The following ETFA variants were observed in gnomAD, a reference collection of about 807,000 sequenced individuals.
ETFA encodes electron transfer flavoprotein subunit alpha.
A neutral mutation model predicts 46.2 loss-of-function variants in ETFA; 22 were observed. The ratio of observed to expected loss-of-function variants is 0.48; its 90% CI spans 0.34 to 0.68. The LOEUF (loss-of-function observed/expected upper bound fraction) is 0.68. Ranked by LOEUF, ETFA falls within the 30% of genes least tolerant of loss-of-function variation. The pLI, the probability that ETFA is intolerant of heterozygous loss-of-function variation, is 0.01. For synonymous variants in ETFA, 131 were observed against 139.9 expected (o/e 0.94, Z 0.45); for missense variants, 345 against 401.1 (o/e 0.86, Z 1.19).
At chr15:76,250,093 A>C (rs2039282777) in intron 9 of ETFA, among the ~76,000 whole-genome samples, 1 of 152,222 alleles carries the variant, frequency 6.6e-6, no homozygotes, top group African/African-American at 2.4e-5. Flanking sequence ...TTAAATAAAC[A>C]ACCATTAATA....
chr15:76,251,043 A>T (rs531108567), intron 9 of ETFA, among the ~76,000 whole-genome samples: 130 of 152,152 alleles, frequency 8.5e-4, no homozygotes, highest in Non-Finnish European at 1.7e-3. Flanking sequence ...ATGGGAAGGA[A>T]AAGGAATACA....
chr15:76,284,012 A>G (rs2039680977), intron 7 of ETFA, among the ~76,000 whole-genome samples, 187 bp from the exon 8 acceptor site: 1 of 152,182 alleles, frequency 6.6e-6, no homozygotes, highest in Non-Finnish European at 1.5e-5. Context: ...CAACACTACT[A>G]TGATTACCTA....
chr15:76,236,131 A>G (rs774524237), intron 9 of ETFA, among the ~76,000 whole-genome samples: 17 of 152,200 alleles, frequency 1.1e-4, no homozygotes, highest in Admixed American at 2.0e-4. Flanking sequence ...ACGTGCCCAA[A>G]CCTGGAATTC....
At chr15:76,305,844 T>C (rs2141556788) in intron 1 of ETFA, among the ~76,000 whole-genome samples, 1 of 151,564 alleles carries the variant, frequency 6.6e-6, no homozygotes, top group East Asian at 2.0e-4. Flanking sequence ...GTCCTTCTCT[T>C]TTTCAACCTC....
chr15:76,277,418 T>C (rs2039603972), intron 8 of ETFA, among the ~76,000 whole-genome samples: 1 of 152,196 alleles, frequency 6.6e-6, no homozygotes, highest in African/African-American at 2.4e-5. Context: ...ATTTTCACCA[T>C]GTGGAAGAGC....
chr15:76,304,816 G>A (rs541379362), intron 1 of ETFA, among the ~76,000 whole-genome samples: 19 of 152,150 alleles, frequency 1.2e-4, no homozygotes, highest in South Asian at 1.0e-3. Context: ...AGGCCGAGGC[G>A]GGCAGATCAC....
intron 9 of ETFA, among the ~76,000 whole-genome samples, chr15:76,267,968 T>C (rs1008098372): frequency 6.6e-6 from 1 of 152,080 alleles, no homozygotes; most frequent in African/African-American, 2.4e-5. Flanking sequence ...CAGCATCTAG[T>C]GGACCCACCT....
intron 11 of ETFA, among the ~76,000 whole-genome samples, chr15:76,223,750 C>A (rs982364132): frequency 6.6e-6 from 1 of 152,170 alleles, no homozygotes; most frequent in Admixed American, 6.5e-5. Flanking sequence ...CACTGAGAAA[C>A]CTCCGTGTCC....
At chr15:76,279,829 C>T (rs2141523049) in intron 8 of ETFA, among the ~76,000 whole-genome samples, 1 of 151,880 alleles carries the variant, frequency 6.6e-6, no homozygotes, top group South Asian at 2.1e-4. Flanking sequence ...TTTTGGTCTT[C>T]TTTCTCCTTT....
intron 9 of ETFA, among the ~76,000 whole-genome samples, chr15:76,233,580 G>C (rs1015152187): frequency 6.6e-6 from 1 of 151,972 alleles, no homozygotes; most frequent in Admixed American, 6.6e-5. Context: ...CACCCACCTC[G>C]GCCTCCCAAA....
At chr15:76,246,394 T>A (rs2039243073) in intron 9 of ETFA, among the ~76,000 whole-genome samples, 1 of 152,154 alleles carries the variant, frequency 6.6e-6, no homozygotes, top group South Asian at 2.1e-4. Context: ...GGGAACTTTT[T>A]AAAATCTGAT....
At chr15:76,258,184 A>ATAAG (rs1555457181) in intron 9 of ETFA, among the ~76,000 whole-genome samples, 11 of 152,042 alleles carry the variant, frequency 7.2e-5, no homozygotes, top group African/African-American at 1.7e-4. Context: ...AAATAAATAA[A>ATAAG]TAAATAAAGA....
At chr15:76,301,959 C>T (rs1466292536) in intron 1 of ETFA, among the ~76,000 whole-genome samples, 3 of 152,162 alleles carry the variant, frequency 2.0e-5, no homozygotes, top group African/African-American at 4.8e-5. Context: ...AAGATGCTCA[C>T]TAGGAAATTG....
At chr15:76,288,920 C>CTTTTTTTTTTTTTTTTTTT (rs35295593) in intron 4 of ETFA, among the ~76,000 whole-genome samples, 1 of 110,118 alleles carries the variant, frequency 9.1e-6, no homozygotes, top group African/African-American at 3.4e-5. Flanking sequence ...TCTTCTTCTT[C>CTTTTTTTTTTTTTTTTTTT]TTTTTTTTTT....
chr15:76,233,471 A>T (rs569770520), intron 9 of ETFA, among the ~76,000 whole-genome samples: 1 of 151,848 alleles, frequency 6.6e-6, no homozygotes, highest in Admixed American at 6.6e-5. Context: ...CTGGGACTAC[A>T]GGTGTATGCC....
chr15:76,308,529 A>G (rs934215337), intron 1 of ETFA, among the ~76,000 whole-genome samples: 1 of 152,216 alleles, frequency 6.6e-6, no homozygotes, highest in African/African-American at 2.4e-5. Flanking sequence ...TCATGAGGAA[A>G]CACCAGACAA....
At chr15:76,254,557 C>T (rs939883253) in intron 9 of ETFA, among the ~76,000 whole-genome samples, 6 of 152,156 alleles carry the variant, frequency 3.9e-5, no homozygotes, top group African/African-American at 7.2e-5. Context: ...AGGATAACCC[C>T]GAGAGCCCCA....
At position 76,265,274 on chromosome 15, in the gene ETFA, G is replaced by A. The variant is rs142562410; in HGVS notation, c.816+9138C>T. Among the ~76,000 whole-genome samples, 1,396 of 152,340 alleles carry A rather than the reference G, an allele frequency of 9.2e-3. 8 individuals carry two copies. The highest frequency in any genetic ancestry group is 0.016 in the Non-Finnish European group (1,065 of 68,020). Reference sequence around the variant, plus strand: ...GGAATAATTGACTCTGATCATACCAGAGAGATTCAACTAGTTATTAGTTCC... The same window carrying A: ...GGAATAATTGACTCTGATCATACCAAAGAGATTCAACTAGTTATTAGTTCC... On this transcript the variant is annotated intron_variant, in intron 9 of 11. Coordinates refer to ENST00000557943, the MANE Select transcript of ETFA (RefSeq NM_000126.4).
At chr15:76,305,401 G>A (rs1385178341) in intron 1 of ETFA, among the ~76,000 whole-genome samples, 1 of 152,132 alleles carries the variant, frequency 6.6e-6, no homozygotes, top group East Asian at 1.9e-4. Flanking sequence ...AAAAGCAACT[G>A]TTTCCTCATT....
Sources: allele counts gnomAD v4.1 joint callset (sites outside exome capture counted in the v4.1 genomes callset), GRCh38; gene constraint gnomAD v4.1.1; transcripts MANE v1.5; gene names NCBI Gene and HGNC (gene_info 2026-07-23, HGNC 2026-07-21).